Variants in GPC5 observed in about 807,000 individuals in gnomAD.
GPC5 encodes glypican 5.
In GPC5, 47 loss-of-function variants were observed where a neutral mutation model predicts 53.9. The observed-to-expected ratio is 0.87, with a 90% CI of 0.69 to 1.11. GPC5 has a LOEUF of 1.11. GPC5 is among the 50% of genes most tolerant of loss of function. The pLI, the probability that GPC5 is intolerant of heterozygous loss-of-function variation, is 0.00. For synonymous variants in GPC5, 286 were observed against 263.3 expected (o/e 1.09, Z -0.84); for missense variants, 748 against 713.1 (o/e 1.05, Z -0.56).
At chr13:92,644,306 T>A (rs9523746) in intron 7 of GPC5, among the ~76,000 whole-genome samples, 88,028 of 152,076 alleles carry the variant, frequency 0.58, 29,240 homozygotes, top group Non-Finnish European at 0.77. Context: ...AACAAATATC[T>A]AATAGGATCT....
intron 6 of GPC5, among the ~76,000 whole-genome samples, chr13:92,122,109 A>C (rs184662855): frequency 6.6e-6 from 1 of 152,298 alleles, no homozygotes; most frequent in African/African-American, 2.4e-5. Context: ...CAATTAAAAT[A>C]GTTTTACAGA....
intron 7 of GPC5, among the ~76,000 whole-genome samples, chr13:92,841,182 A>G (rs1159518625): frequency 2.6e-5 from 4 of 152,122 alleles, no homozygotes; most frequent in Non-Finnish European, 4.4e-5. Flanking sequence ...GTGCTTCACA[A>G]ATTATTTGGC....
chr13:92,367,977 C>A (rs1308747582), intron 7 of GPC5, among the ~76,000 whole-genome samples: 1 of 151,968 alleles, frequency 6.6e-6, no homozygotes, highest in Non-Finnish European at 1.5e-5. Context: ...ACTTTTGTGT[C>A]TGTGTGTGTG....
intron 7 of GPC5, among the ~76,000 whole-genome samples, chr13:92,364,847 G>A (rs1195107286): frequency 6.6e-6 from 1 of 151,774 alleles, no homozygotes; most frequent in Non-Finnish European, 1.5e-5. Flanking sequence ...AGGTTTGTAA[G>A]AGACTTGCTA....
At chr13:92,345,999 A>G (rs974443565) in intron 7 of GPC5, among the ~76,000 whole-genome samples, 9 of 152,202 alleles carry the variant, frequency 5.9e-5, no homozygotes, top group African/African-American at 1.9e-4. Flanking sequence ...AGTTCATTTT[A>G]CTTTGAGTCT....
chr13:92,381,300 T>C (rs2043736952), intron 7 of GPC5, among the ~76,000 whole-genome samples: 1 of 152,216 alleles, frequency 6.6e-6, no homozygotes, highest in Non-Finnish European at 1.5e-5. Context: ...CTCAGGTGCT[T>C]GATTTCCTGC....
At chr13:91,860,521 A>T (rs1269699498) in intron 5 of GPC5, among the ~76,000 whole-genome samples, 940 of 99,328 alleles carry the variant, frequency 9.5e-3, no homozygotes, top group Middle Eastern at 0.016. Context: ...CTTTTTCTTT[A>T]TTTCTTTTTT....
chr13:91,649,162 T>C (rs1456687824), intron 2 of GPC5, among the ~76,000 whole-genome samples: 2 of 152,178 alleles, frequency 1.3e-5, no homozygotes, highest in Non-Finnish European at 2.9e-5. Flanking sequence ...GGTTTTAAGT[T>C]TCCTGAGACC....
At chr13:92,220,201 C>T (rs552030085) in intron 7 of GPC5, among the ~76,000 whole-genome samples, 3 of 152,110 alleles carry the variant, frequency 2.0e-5, no homozygotes, top group African/African-American at 7.2e-5. Context: ...TAAATAAATA[C>T]TTGAGCACCA....
At chr13:92,520,420 A>G (rs1880994181) in intron 7 of GPC5, among the ~76,000 whole-genome samples, 1 of 152,178 alleles carries the variant, frequency 6.6e-6, no homozygotes, top group South Asian at 2.1e-4. Flanking sequence ...ACATCAAAAA[A>G]GCTTATACAC....
At position 92,642,512 on chromosome 13, in the gene GPC5, T is replaced by A. The variant is rs1885628253; in HGVS notation, c.1562-223770T>A. Among the ~76,000 whole-genome samples, 4 of 152,222 alleles carry A rather than the reference T, an allele frequency of 2.6e-5. No individual in the cohort carries two copies. The South Asian group carries it at 8.3e-4, about 31-fold the overall frequency. ...GTATATTATTAGACTGTGAGCTCCC[T>A]GCTCCCTCAACCAGATAGAGATTGA... is the stretch of plus-strand genomic sequence containing the variant. On this transcript the variant is annotated intron_variant, in intron 7 of 7. Transcript: ENST00000377067.
At chr13:91,721,077 C>A (rs1363814812) in intron 3 of GPC5, among the ~76,000 whole-genome samples, 1 of 7,356 alleles carries the variant, frequency 1.4e-4, no homozygotes, top group Admixed American at 1.4e-3. Flanking sequence ...TTCTTTCTTT[C>A]TTTCTTTCTT....
At chr13:92,442,601 G>A (rs1232386947) in intron 7 of GPC5, among the ~76,000 whole-genome samples, 1 of 152,056 alleles carries the variant, frequency 6.6e-6, no homozygotes, top group Non-Finnish European at 1.5e-5. Context: ...TAGTAGATAA[G>A]AATGGTACTA....
chr13:92,169,638 T>C (rs2042055342), intron 7 of GPC5, among the ~76,000 whole-genome samples: 1 of 152,184 alleles, frequency 6.6e-6, no homozygotes, highest in Admixed American at 6.5e-5. Context: ...AAAAATAAAC[T>C]TTATATGATA....
At chr13:92,462,806 T>C (rs1358618414) in intron 7 of GPC5, among the ~76,000 whole-genome samples, 1 of 150,142 alleles carries the variant, frequency 6.7e-6, no homozygotes, top group South Asian at 2.2e-4. Context: ...AACCTCTGCC[T>C]CCCAGGTTCA....
At chr13:92,154,018 G>A (rs2041925426) in intron 7 of GPC5, among the ~76,000 whole-genome samples, 1 of 152,080 alleles carries the variant, frequency 6.6e-6, no homozygotes, top group Non-Finnish European at 1.5e-5. Context: ...GTTCATTTTG[G>A]CTCAAGTTTC....
rs74107090 is a variant in GPC5, at chr13:92,676,011, C to T, written c.1562-190271C>T. On this transcript the variant is annotated intron_variant, in intron 7 of 7. Coordinates refer to ENST00000377067, the MANE Select transcript of GPC5 (RefSeq NM_004466.6). ...TTGTCCTCATCTTAAAAGTAAATGG[C>T]ACTATTTTATTCAATGGTTTATATT... 3.7e-3 allele frequency among the ~76,000 whole-genome samples: 560 copies of T among 152,216 alleles called. 4 individuals carry two copies. Among genetic ancestry groups the T allele is most frequent in the African/African-American group, 0.013 (523 of 41,540 alleles).
intron 7 of GPC5, among the ~76,000 whole-genome samples, chr13:92,420,649 C>T (rs1366113274): frequency 6.6e-6 from 1 of 152,080 alleles, no homozygotes; most frequent in African/African-American, 2.4e-5. Flanking sequence ...CCTTACTACC[C>T]TTCCCAGCCT....
chr13:91,921,948 G>T (rs2039718886), intron 6 of GPC5, among the ~76,000 whole-genome samples: 4 of 152,024 alleles, frequency 2.6e-5, no homozygotes, highest in Admixed American at 2.6e-4. Flanking sequence ...TCTAGCCTGG[G>T]GGACAGATTA....
Sources: gnomAD v4.1 joint callset for allele counts (sites outside exome capture counted in the v4.1 genomes callset) on GRCh38, gnomAD v4.1.1 for gene constraint, MANE v1.5 for transcripts, NCBI Gene and HGNC (gene_info 2026-07-23, HGNC 2026-07-21) for gene names.